Variants in BICC1 observed in about 807,000 individuals in gnomAD.
BICC1 encodes protein bicaudal C homolog 1.
BICC1 carries 43 observed loss-of-function variants against 111.0 expected under a neutral mutation model. The ratio of observed to expected loss-of-function variants is 0.39; its 90% CI spans 0.30 to 0.50. The LOEUF is 0.50. Ranked by LOEUF, BICC1 falls within the 20% of genes least tolerant of loss-of-function variation. The probability of loss-of-function intolerance (pLI) is 0.88; values close to 1 mark genes in which losing one functional copy is unlikely to be tolerated. For synonymous variants in BICC1, 467 were observed against 434.4 expected (o/e 1.07, Z -0.93); for missense variants, 1,091 against 1,203.2 (o/e 0.91, Z 1.38).
intron 3 of BICC1, among the ~76,000 whole-genome samples, chr10:58,773,700 G>C (rs1842677876): frequency 6.6e-6 from 1 of 152,178 alleles, no homozygotes; most frequent in Non-Finnish European, 1.5e-5. Flanking sequence ...CCCAGGGCAG[G>C]GGCAAATGGC....
intron 3 of BICC1, among the ~76,000 whole-genome samples, chr10:58,721,151 A>G (rs1840927137): frequency 6.6e-6 from 1 of 152,184 alleles, no homozygotes; most frequent in Non-Finnish European, 1.5e-5. Context: ...TCGTGGGACA[A>G]TTCTGAAGCA....
intron 1 of BICC1, 107 bp downstream of exon 1, chr10:58,513,440 GTTT>G: frequency 5.0e-6 from 5 of 997,044 alleles, no homozygotes; most frequent in Non-Finnish European, 7.0e-6. Flanking sequence ...CGGCCGGCCG[GTTT>G]AGCTCCAGGC....
At chr10:58,535,478 C>T (rs751924067) in intron 1 of BICC1, among the ~76,000 whole-genome samples, 12 of 151,660 alleles carry the variant, frequency 7.9e-5, no homozygotes, top group Non-Finnish European at 7.4e-5. Context: ...TCCAGCAAAA[C>T]TAAGTTTCAT....
intron 2 of BICC1, among the ~76,000 whole-genome samples, chr10:58,692,564 A>G (rs1839941237): frequency 6.6e-6 from 1 of 152,234 alleles, no homozygotes; most frequent in Non-Finnish European, 1.5e-5. Context: ...ATATTTATTC[A>G]GTACACTCTA....
At position 58,830,927 on chromosome 10, in the gene BICC1, A is replaced by G. The variant is rs929101457; in HGVS notation, c.*2036A>G. On this transcript the variant is annotated 3_prime_UTR_variant, in exon 21 of 21. Coordinates refer to ENST00000373886, the MANE Select transcript of BICC1 (RefSeq NM_001080512.3). ...TACTCTAAATGTTGTTATGCTTTTA[A>G]TAAGACCTTCCCAGATAATAATCTT... 7.9e-5 allele frequency: 12 copies of G among 152,222 alleles called. No individual in the cohort carries two copies. The highest frequency in any genetic ancestry group is 2.7e-4 in the African/African-American group (11 of 41,458). The allele number at this position is 152,222 out of a possible 1,614,324, so 9.4% of individuals were successfully genotyped here.
intron 3 of BICC1, among the ~76,000 whole-genome samples, chr10:58,765,760 A>T (rs1174867550): frequency 6.6e-6 from 1 of 152,248 alleles, no homozygotes; most frequent in African/African-American, 2.4e-5. Flanking sequence ...TGTTCTGAAC[A>T]GATACCTCTG....
chr10:58,551,964 T>TA (rs770930056), intron 1 of BICC1, among the ~76,000 whole-genome samples: 1 of 151,390 alleles, frequency 6.6e-6, no homozygotes, highest in Non-Finnish European at 1.5e-5. Context: ...AAGTTTTTTT[T>TA]GGGGGGGGAT....
At chr10:58,619,495 T>TGA in intron 1 of BICC1, among the ~76,000 whole-genome samples, 1 of 116,658 alleles carries the variant, frequency 8.6e-6, no homozygotes, top group South Asian at 2.8e-4. Flanking sequence ...TTTTTTTTTT[T>TGA]GAGAGAGTCT....
chr10:58,701,217 A>T (rs1173618646), intron 2 of BICC1, among the ~76,000 whole-genome samples: 1 of 152,188 alleles, frequency 6.6e-6, no homozygotes, highest in East Asian at 1.9e-4. Context: ...AAATTAATAC[A>T]TGATTTTTTT....
intron 1 of BICC1, among the ~76,000 whole-genome samples, chr10:58,572,336 C>T (rs1843982327): frequency 1.3e-5 from 2 of 152,050 alleles, no homozygotes; most frequent in South Asian, 2.1e-4. Context: ...TTAATTAGAT[C>T]CCATTTGTCA....
At chr10:58,799,589 T>C (rs1379572708) in intron 12 of BICC1, among the ~76,000 whole-genome samples, 1 of 152,156 alleles carries the variant, frequency 6.6e-6, no homozygotes, top group South Asian at 2.1e-4. Flanking sequence ...CCAGCGCCAG[T>C]TATTGAACAT....
chr10:58,522,923 C>T (rs1333688946), intron 1 of BICC1, among the ~76,000 whole-genome samples: 4 of 152,152 alleles, frequency 2.6e-5, no homozygotes, highest in East Asian at 3.9e-4. Context: ...ATACTATAAA[C>T]ACCTCTATGC....
intron 2 of BICC1, among the ~76,000 whole-genome samples, chr10:58,668,437 T>A (rs1487368793): frequency 6.6e-6 from 1 of 152,024 alleles, no homozygotes; most frequent in Non-Finnish European, 1.5e-5. Context: ...CACCTTTAGG[T>A]TTGACCCTGA....
rs1845779954 is a variant in BICC1, at chr10:58,620,850, T to A, written c.191-5T>A. 1.2e-6 allele frequency: 2 copies of A among 1,612,182 alleles called. No homozygotes were observed. Among genetic ancestry groups the A allele is most frequent in the Non-Finnish European group, 1.7e-6 (2 of 1,179,524 alleles). ...TATTTTAAATGTGCACATTTTTATT[T>A]ACAGCTGCTGCTGAAGGGAAAGGCA... is the stretch of plus-strand genomic sequence containing the variant. On this transcript the variant is annotated splice_polypyrimidine_tract_variant and splice_region_variant and intron_variant, in intron 1 of 20. Coordinates refer to ENST00000373886, the MANE Select transcript of BICC1 (RefSeq NM_001080512.3).
chr10:58,568,457 G>C (rs777181115), intron 1 of BICC1, among the ~76,000 whole-genome samples: 1 of 152,082 alleles, frequency 6.6e-6, no homozygotes, highest in African/African-American at 2.4e-5. Flanking sequence ...AGCTAATTCT[G>C]TATTATATAG....
intron 15 of BICC1, 84 bp from the exon 16 acceptor site, chr10:58,806,500 C>A: frequency 1.6e-6 from 2 of 1,262,792 alleles, no homozygotes; most frequent in South Asian, 1.2e-5. Flanking sequence ...GGAACACAGT[C>A]AAAACCTTTG....
rs1415803167 is a variant in BICC1, at chr10:58,575,314, G to A, written c.191-45541G>A. The stretch of plus-strand genomic sequence containing the variant: ...CTTTTAAAGAGTATCAAAGATCCCC[G>A]GGTCCCTGGATGACACTCCGCACAC... On this transcript the variant is annotated intron_variant, in intron 1 of 20. Transcript: ENST00000373886. 1.3e-4 allele frequency among the ~76,000 whole-genome samples: 8 copies of A among 63,760 alleles called. No homozygotes were observed. The South Asian group carries it at 1.9e-3, about 15-fold the overall frequency. The allele number at this position is 63,760 out of a possible 152,430, so 41.8% of individuals were successfully genotyped here. A position where few individuals can be genotyped will look rare whatever the true frequency, so the allele number is the denominator to read the frequency against.
At position 58,569,816 on chromosome 10, in the gene BICC1, A is replaced by C. The variant is rs113131783; in HGVS notation, c.191-51039A>C. 1.0e-2 allele frequency among the ~76,000 whole-genome samples: 1,521 copies of C among 152,254 alleles called. 22 individuals are homozygous for C. The highest frequency in any genetic ancestry group is 0.035 in the African/African-American group (1,453 of 41,542). ...TTGGTGGACATTTGGGTTGGTTCCA[A>C]GTCTTTGCTATTGTGAATAGTGTTA... On this transcript the variant is annotated intron_variant, in intron 1 of 20. Transcript: ENST00000373886.
intron 2 of BICC1, among the ~76,000 whole-genome samples, chr10:58,667,448 AGG>A (rs58999845): frequency 3.9e-5 from 6 of 152,032 alleles, no homozygotes; most frequent in Non-Finnish European, 8.8e-5. Context: ...TATAATTCTT[AGG>A]GAAGGTAGTT....
Sources: allele counts gnomAD v4.1 joint callset (sites outside exome capture counted in the v4.1 genomes callset), GRCh38; gene constraint gnomAD v4.1.1; transcripts MANE v1.5; gene names NCBI Gene and HGNC (gene_info 2026-07-23, HGNC 2026-07-21).